KLHL14: variants seen among roughly 807,000 people sequenced by gnomAD.
The protein encoded by KLHL14 is kelch-like protein 14.
In KLHL14, 22 loss-of-function variants were observed where a neutral mutation model predicts 64.3. The ratio of observed to expected loss-of-function variants is 0.34; its 90% CI spans 0.24 to 0.49. The LOEUF (loss-of-function observed/expected upper bound fraction) is 0.49, where lower values mean the gene tolerates loss of function less well. KLHL14 is among the 20% of genes least tolerant of loss of function. The pLI is 0.99. For synonymous variants in KLHL14, 322 were observed against 333.4 expected, an observed-to-expected ratio of 0.97 and a Z score of 0.37; for missense variants, 661 against 789.0, an observed-to-expected ratio of 0.84 and a Z score of 1.94.
At chr18:32,740,132 A>G (rs1270048734) in intron 3 of KLHL14, among the ~76,000 whole-genome samples, 2 of 152,138 alleles carry the variant, frequency 1.3e-5, no homozygotes, top group Non-Finnish European at 2.9e-5. Flanking sequence ...TTCTTCCTAC[A>G]TCCCTCCAAG....
chr18:32,751,541 C>G (rs991315978), intron 2 of KLHL14, among the ~76,000 whole-genome samples: 6 of 152,188 alleles, frequency 3.9e-5, no homozygotes, highest in African/African-American at 4.8e-5. Context: ...CACAACTCTT[C>G]TGTGGCTCTC....
chr18:32,688,906 G>C (rs910176794), intron 4 of KLHL14, among the ~76,000 whole-genome samples: 1 of 152,184 alleles, frequency 6.6e-6, no homozygotes, highest in Non-Finnish European at 1.5e-5. Context: ...CTTGAATGAA[G>C]GTGGAGGTGG....
chr18:32,755,242 T>A (rs2050276027), intron 2 of KLHL14, among the ~76,000 whole-genome samples: 3 of 152,134 alleles, frequency 2.0e-5, no homozygotes, highest in African/African-American at 7.2e-5. Flanking sequence ...GAAAGGGCAT[T>A]CACAGAAGCC....
chr18:32,682,974 A>G (rs2049850181), intron 5 of KLHL14, among the ~76,000 whole-genome samples: 1 of 152,170 alleles, frequency 6.6e-6, no homozygotes, highest in Non-Finnish European at 1.5e-5. Context: ...GGTAATGGTG[A>G]GTTCTGTGCA....
intron 2 of KLHL14, among the ~76,000 whole-genome samples, chr18:32,748,494 C>A (rs936901205): frequency 6.6e-6 from 1 of 152,088 alleles, no homozygotes; most frequent in Admixed American, 6.5e-5. Flanking sequence ...CTCAGCCTCC[C>A]GAGTAGCTGG....
chr18:32,679,041 C>T (rs1421693432), intron 7 of KLHL14, among the ~76,000 whole-genome samples: 1 of 151,880 alleles, frequency 6.6e-6, no homozygotes, highest in East Asian at 1.9e-4. Context: ...GAAAGAGCAC[C>T]GTTGAAAGAG....
intron 3 of KLHL14, among the ~76,000 whole-genome samples, chr18:32,735,174 T>C (rs2050158610): frequency 6.6e-6 from 1 of 152,172 alleles, no homozygotes; most frequent in African/African-American, 2.4e-5. Context: ...GTGGGTGAAA[T>C]GGGTCAGCAC....
intron 4 of KLHL14, among the ~76,000 whole-genome samples, chr18:32,690,194 TGACA>T (rs2049900523): frequency 1.3e-5 from 2 of 152,018 alleles, no homozygotes; most frequent in African/African-American, 4.8e-5. Context: ...CACAAGGGGA[TGACA>T]GACAGTGAAA....
chr18:32,742,204 T>C (rs991695898), intron 2 of KLHL14, among the ~76,000 whole-genome samples, 155 bp from the exon 3 acceptor site: 2 of 152,198 alleles, frequency 1.3e-5, no homozygotes, highest in Non-Finnish European at 2.9e-5. Context: ...AACAATTTTT[T>C]TGAACCAAGC....
At chr18:32,731,161 A>T (rs1003798469) in intron 3 of KLHL14, among the ~76,000 whole-genome samples, 1 of 152,256 alleles carries the variant, frequency 6.6e-6, no homozygotes, top group African/African-American at 2.4e-5. Flanking sequence ...GTGGCTGGCT[A>T]TTCCTAAAAT....
At chr18:32,686,748 T>A (rs1276494053) in intron 5 of KLHL14, among the ~76,000 whole-genome samples, 1 of 152,142 alleles carries the variant, frequency 6.6e-6, no homozygotes, top group Non-Finnish European at 1.5e-5. Flanking sequence ...ATATTGAATT[T>A]AATATTAAAT....
chr18:32,770,391 A>G lies in KLHL14; in HGVS notation c.201T>C (p.Pro67=), dbSNP rs1288910566. ...CCTGGCCGCCGACCCCTCCCCCGAG[A>G]GGGGGGTGGCTGGAGAAGAGCGATC... ...YFRSLFSSHP[P]LGGGVGGQDG... Residue 67 remains proline (P), a synonymous_variant, in exon 2 of 9, where the codon CCT becomes CCC. Coordinates refer to ENST00000359358, the MANE Select transcript of KLHL14 (RefSeq NM_020805.3). This position sits in a 1 kb window ranked among gnomAD's most constrained non-coding sequence, Gnocchi z 6.7. The G allele has an allele frequency of 6.3e-7, 1 of 1,595,176 alleles. No individual in the cohort carries two copies. The highest frequency in any genetic ancestry group is 8.5e-7 in the Non-Finnish European group (1 of 1,169,842).
rs1011106534 is a variant in KLHL14 at position 32,752,870 on chromosome 18, G to A, written c.948-10821C>T. Among the ~76,000 whole-genome samples the A allele has an allele frequency of 1.1e-4, 15 of 140,208 alleles. 1 individual carries two copies. In the South Asian group the frequency reaches 1.8e-3, roughly 17 times the overall value. 92.0% of individuals were successfully genotyped at this position (140,208 alleles called of 152,430 possible). ...GGGATCTCGGCTCACTGCAAGCTCC[G>A]CCTCCAATGTGGGAACTTTTATAAG... On this transcript the variant is annotated intron_variant, in intron 2 of 8. Transcript: ENST00000359358.
intron 5 of KLHL14, among the ~76,000 whole-genome samples, chr18:32,681,565 T>C (rs1403590419): frequency 1.3e-5 from 2 of 152,172 alleles, no homozygotes; most frequent in Admixed American, 1.3e-4. Flanking sequence ...TTTGCTTCTT[T>C]TTTTCACTGA....
At chr18:32,726,029 T>C (rs752474996) in intron 3 of KLHL14, among the ~76,000 whole-genome samples, 17 of 152,360 alleles carry the variant, frequency 1.1e-4, no homozygotes, top group Non-Finnish European at 2.4e-4. Flanking sequence ...CAGTATTGTC[T>C]CATTACCAAG....
chr18:32,746,116 A>G (rs1377550844), intron 2 of KLHL14, among the ~76,000 whole-genome samples: 1 of 152,198 alleles, frequency 6.6e-6, no homozygotes, highest in Non-Finnish European at 1.5e-5. Flanking sequence ...CATACCTTTT[A>G]TTATTTTCAA....
rs2050164799 is a variant in KLHL14 at position 32,736,116 on chromosome 18, C to T, written c.1069+5812G>A. On this transcript the variant is annotated intron_variant, in intron 3 of 8. Transcript: ENST00000359358. ...CTGTTCTCTGGAGAAAAAACAATTG[C>T]TATATTCAAGAGAGGTATAAGCCAG... 2.0e-5 allele frequency among the ~76,000 whole-genome samples: 3 copies of T among 152,188 alleles called. No homozygotes were observed. In the South Asian group the frequency reaches 6.2e-4, roughly 32 times the overall value.
chr18:32,724,167 G>C (rs2050094021), intron 3 of KLHL14, among the ~76,000 whole-genome samples: 8 of 152,180 alleles, frequency 5.3e-5, no homozygotes, highest in Admixed American at 5.2e-4. Context: ...AAGGGTTTAA[G>C]TCACAAATTC....
chr18:32,769,498 ACT>A lies in KLHL14; in HGVS notation c.947+145_947+146del, dbSNP rs149630681. 1.6e-3 allele frequency: 1,167 copies of A among 733,240 alleles called. 9 individuals carry two copies. Among genetic ancestry groups the A allele is most frequent in the Non-Finnish European group, 1.3e-3 (613 of 468,340 alleles). 45.4% of individuals were successfully genotyped at this position (733,240 alleles called of 1,614,324 possible). On this transcript the variant is annotated intron_variant, in intron 2 of 8. Transcript: ENST00000359358. ...ACTCTGAAATCAACTTTCCTCACAC[ACT>A]CTGAATTGTTTGCGTTTGTTTTCAT...
Sources: allele counts gnomAD v4.1 joint callset (sites outside exome capture counted in the v4.1 genomes callset), GRCh38; gene constraint gnomAD v4.1.1; non-coding constraint Gnocchi (gnomAD v3.1); transcripts MANE v1.5; gene names NCBI Gene and HGNC (gene_info 2026-07-23, HGNC 2026-07-21).